The following TMEM267 variants were observed in gnomAD, a reference collection of about 807,000 sequenced individuals.
TMEM267 encodes transmembrane protein 267.
TMEM267 carries 20 observed loss-of-function variants against 19.3 expected under a neutral mutation model. That is an observed-to-expected ratio of 1.04 (90% CI 0.73 to 1.51). The LOEUF (loss-of-function observed/expected upper bound fraction) is 1.51, where lower values mean the gene tolerates loss of function less well. Among genes scored for constraint, TMEM267 ranks in the 40% most tolerant of loss-of-function variants. The pLI is 0.00. For missense variants in TMEM267, 242 were observed against 261.9 expected (o/e 0.92, Z 0.52); for synonymous variants, 88 against 90.3 (o/e 0.97, Z 0.15).
In TMEM267 at chr5:43,462,192, C is replaced by T. The variant is rs562130654; in HGVS notation, c.-74-8149G>A. ...CTTGTCCATGACCATCAAGGCGGTACCTCTATGAGTCTGCAAGAACCACAG... is the reference window on the plus strand; with the variant it reads ...CTTGTCCATGACCATCAAGGCGGTATCTCTATGAGTCTGCAAGAACCACAG... On this transcript the variant is annotated intron_variant, in intron 1 of 2. Transcript: ENST00000397080. Among the ~76,000 whole-genome samples the T allele has an allele frequency of 4.6e-5, 7 of 152,306 alleles. No individual in the cohort carries two copies. The East Asian group carries it at 1.2e-3, about 25-fold the overall frequency.
At chr5:43,474,619 C>T (rs574798984) in intron 1 of TMEM267, among the ~76,000 whole-genome samples, 148 of 152,044 alleles carry the variant, frequency 9.7e-4, no homozygotes, top group African/African-American at 3.3e-3. Context: ...ATTAGCCAAG[C>T]GTGGTGGTGC....
intron 1 of TMEM267, among the ~76,000 whole-genome samples, chr5:43,469,174 G>C (rs1429245350): frequency 2.6e-5 from 4 of 151,968 alleles, no homozygotes; most frequent in Admixed American, 2.0e-4. Context: ...CAAGAGCAAA[G>C]CAAGCCCAAA....
chr5:43,483,994 T>G (rs1393712941), upstream of TMEM267: 1 of 152,216 alleles, frequency 6.6e-6, no homozygotes, highest in African/African-American at 2.4e-5. Flanking sequence ...CATGAGTTGT[T>G]TGGTGCGGTG....
intron 1 of TMEM267, among the ~76,000 whole-genome samples, chr5:43,469,128 T>C (rs916056347): frequency 6.6e-6 from 1 of 152,030 alleles, no homozygotes. Flanking sequence ...AGGAACTTCG[T>C]ATGAACAATT....
chr5:43,463,109 C>T (rs1329747126), intron 1 of TMEM267, among the ~76,000 whole-genome samples: 1 of 152,172 alleles, frequency 6.6e-6, no homozygotes, highest in Non-Finnish European at 1.5e-5. Flanking sequence ...AAGGGGATAT[C>T]ACCACTGATT....
At chr5:43,459,760 C>T (rs1177395192) in intron 1 of TMEM267, among the ~76,000 whole-genome samples, 1 of 152,042 alleles carries the variant, frequency 6.6e-6, no homozygotes, top group Non-Finnish European at 1.5e-5. Flanking sequence ...TTATTTCATA[C>T]TCAGGTATAC....
At chr5:43,478,333 A>C (rs1303092002) in intron 1 of TMEM267, among the ~76,000 whole-genome samples, 1 of 152,172 alleles carries the variant, frequency 6.6e-6, no homozygotes, top group East Asian at 1.9e-4. Context: ...AAAGGGAATC[A>C]ATTTGGTTGA....
chr5:43,464,837 A>C (rs184441668), intron 1 of TMEM267, among the ~76,000 whole-genome samples: 1,856 of 152,214 alleles, frequency 0.012, 39 homozygotes, highest in African/African-American at 0.043. Flanking sequence ...GTGTTAGACC[A>C]AAAACCATAA....
intron 2 of TMEM267, among the ~76,000 whole-genome samples, chr5:43,453,401 G>T (rs767607216): frequency 6.6e-6 from 1 of 152,200 alleles, no homozygotes; most frequent in Non-Finnish European, 1.5e-5. Context: ...TCCTCTGTAA[G>T]CCAGCACTGA....
chr5:43,475,381 G>T (rs1046764301), intron 1 of TMEM267, among the ~76,000 whole-genome samples: 12 of 152,082 alleles, frequency 7.9e-5, no homozygotes, highest in African/African-American at 2.9e-4. Flanking sequence ...ATAGGTGGGT[G>T]GGGGGCTAGG....
At chr5:43,463,067 G>C (rs866300453) in intron 1 of TMEM267, among the ~76,000 whole-genome samples, 4 of 151,860 alleles carry the variant, frequency 2.6e-5, no homozygotes, top group African/African-American at 9.7e-5. Context: ...AGAAAAGAGA[G>C]AAGAATCAAA....
intron 1 of TMEM267, among the ~76,000 whole-genome samples, chr5:43,482,641 G>C (rs1459930306): frequency 6.6e-6 from 1 of 152,136 alleles, no homozygotes; most frequent in Admixed American, 6.5e-5. Context: ...ATGAACTAAA[G>C]ATACTGTTTG....
intron 2 of TMEM267, 80 bp downstream of exon 2, chr5:43,453,578 G>A: frequency 7.8e-7 from 1 of 1,275,950 alleles, no homozygotes; most frequent in Non-Finnish European, 1.1e-6. Context: ...ATCCTCTCTA[G>A]TTCTAAATGA....
In TMEM267 at chr5:43,446,366, G is replaced by A. The variant is rs1379894008; in HGVS notation, c.504C>T (p.Cys168=). Residue 168 remains cysteine (C), a synonymous_variant, in exon 3 of 3, where the codon TGC becomes TGT. Transcript: ENST00000397080. Reference sequence around the variant, plus strand: ...GCAAAGGAGAAGTTTTTCCAAATGGGCATATCCACAAACCATGACGAATCC... The same window carrying A: ...GCAAAGGAGAAGTTTTTCCAAATGGACATATCCACAAACCATGACGAATCC... The part of the protein sequence containing the change: ...RDGIRHGLWI[C]PFGKTSPLPF... 3 of 1,614,040 alleles carry A rather than the reference G, an allele frequency of 1.9e-6. No homozygotes were observed. The highest frequency in any genetic ancestry group is 2.5e-6 in the Non-Finnish European group (3 of 1,179,938).
intron 1 of TMEM267, among the ~76,000 whole-genome samples, chr5:43,473,139 C>CAA (rs71610311): frequency 0.48 from 39,353 of 82,778 alleles, 9,335 homozygotes; most frequent in African/African-American, 0.62. Flanking sequence ...CTCCGTGTCA[C>CAA]AAAAAAAAAA....
intron 1 of TMEM267, among the ~76,000 whole-genome samples, chr5:43,479,007 G>A (rs1162437783): frequency 2.0e-5 from 3 of 150,780 alleles, no homozygotes; most frequent in Admixed American, 6.6e-5. Context: ...CCAATTCCAG[G>A]AAAATAAGGA....
At chr5:43,466,374 A>AG (rs1335341851) in intron 1 of TMEM267, among the ~76,000 whole-genome samples, 3 of 152,202 alleles carry the variant, frequency 2.0e-5, no homozygotes, top group Non-Finnish European at 2.9e-5. Context: ...AGGAAAAAAA[A>AG]CTTTTATCTT....
At chr5:43,467,485 C>A (rs563065663) in intron 1 of TMEM267, among the ~76,000 whole-genome samples, 2 of 152,182 alleles carry the variant, frequency 1.3e-5, no homozygotes, top group African/African-American at 4.8e-5. Flanking sequence ...GTATAAGAGA[C>A]AAGGTCACTG....
intron 1 of TMEM267, among the ~76,000 whole-genome samples, chr5:43,471,569 A>G (rs1189297543): frequency 6.6e-6 from 1 of 152,190 alleles, no homozygotes; most frequent in Non-Finnish European, 1.5e-5. Context: ...TAACCAAAAC[A>G]GCATGGTTCT....
Sources: allele counts gnomAD v4.1 joint callset (sites outside exome capture counted in the v4.1 genomes callset), GRCh38; gene constraint gnomAD v4.1.1; transcripts MANE v1.5; gene names NCBI Gene and HGNC (gene_info 2026-07-23, HGNC 2026-07-21).